MFHAS1: variants seen among roughly 807,000 people sequenced by gnomAD.
The protein encoded by MFHAS1 is malignant fibrous histiocytoma-amplified sequence 1.
A neutral mutation model predicts 70.4 loss-of-function variants in MFHAS1; 50 were observed. The observed-to-expected ratio is 0.71, with a 90% CI of 0.57 to 0.90. MFHAS1 has a LOEUF of 0.90. Among genes scored for constraint, MFHAS1 ranks in the 40% least tolerant of loss-of-function variants. The pLI is 0.00. For synonymous variants in MFHAS1, 952 were observed against 620.0 expected (o/e 1.54, Z -7.96); for missense variants, 1,795 against 1,347.6 (o/e 1.33, Z -5.20).
Position 8,890,607 on chromosome 8 carries a change from G to A in MFHAS1, c.2452C>T (p.Gln818Ter), listed in dbSNP as rs759291642. 3 of 1,613,920 alleles carry A rather than the reference G, an allele frequency of 1.9e-6. No individual in the cohort carries two copies. The highest frequency in any genetic ancestry group is 2.5e-6 in the Non-Finnish European group (3 of 1,180,034). The change falls in exon 1 of 3, where the codon CAG (glutamine) becomes TAG (stop). Residue 818 changes from glutamine to a stop codon, truncating the protein, a stop_gained. Transcript: ENST00000276282. LOFTEE classifies it high-confidence loss of function. ...TTCTCCAGCAGCTCCAGCAACAGCT[G>A]CAAGTCCTGCTGGGCCTGGACATGA... ...KPHVQAQQDL[Q>*]LLLELLEKMG...
intron 1 of MFHAS1, among the ~76,000 whole-genome samples, chr8:8,823,311 C>A: frequency 6.6e-6 from 1 of 152,220 alleles, no homozygotes. Flanking sequence ...ATGTTTCTCT[C>A]TGTATCCAGA....
At chr8:8,786,592 G>C (rs1805551327) in intron 2 of MFHAS1, among the ~76,000 whole-genome samples, 1 of 152,034 alleles carries the variant, frequency 6.6e-6, no homozygotes, top group African/African-American at 2.4e-5. Flanking sequence ...TGCAGCCTCA[G>C]CAAATAAAGC....
intron 1 of MFHAS1, among the ~76,000 whole-genome samples, chr8:8,870,487 A>G (rs1438268523): frequency 6.6e-6 from 1 of 152,148 alleles, no homozygotes; most frequent in Non-Finnish European, 1.5e-5. Context: ...AAAAAGGTTT[A>G]AAAAGAAAAC....
chr8:8,843,333 C>G (rs1426071410), intron 1 of MFHAS1, among the ~76,000 whole-genome samples: 1 of 151,846 alleles, frequency 6.6e-6, no homozygotes, highest in Non-Finnish European at 1.5e-5. Flanking sequence ...CCTGTAATCC[C>G]AACATTTCGG....
intron 1 of MFHAS1, among the ~76,000 whole-genome samples, chr8:8,831,838 C>T (rs1807400062): frequency 6.6e-6 from 1 of 152,044 alleles, no homozygotes; most frequent in Non-Finnish European, 1.5e-5. Context: ...AAACTCTTGA[C>T]CTCACGTGAT....
chr8:8,866,510 G>A (rs908964740), intron 1 of MFHAS1, among the ~76,000 whole-genome samples: 1 of 151,902 alleles, frequency 6.6e-6, no homozygotes, highest in Non-Finnish European at 1.5e-5. Context: ...TAGAAATGGG[G>A]TTTTGCCATG....
intron 1 of MFHAS1, among the ~76,000 whole-genome samples, chr8:8,838,551 G>T (rs530780440): frequency 7.2e-5 from 11 of 152,292 alleles, no homozygotes; most frequent in African/African-American, 2.6e-4. Context: ...GTTGGCTCAT[G>T]CCTGTAATCC....
intron 1 of MFHAS1, among the ~76,000 whole-genome samples, chr8:8,836,411 T>C (rs1807595631): frequency 6.6e-6 from 1 of 152,130 alleles, no homozygotes; most frequent in Admixed American, 6.5e-5. Flanking sequence ...CAGGGTCTTG[T>C]TCTGCTGCCC....
intron 1 of MFHAS1, among the ~76,000 whole-genome samples, chr8:8,877,630 A>C (rs1205495775): frequency 6.6e-6 from 1 of 152,192 alleles, no homozygotes; most frequent in East Asian, 1.9e-4. Flanking sequence ...GACCAGCAGC[A>C]CGCTTAGACA....
At chr8:8,791,399 C>T (rs1345237497) in intron 2 of MFHAS1, among the ~76,000 whole-genome samples, 1 of 152,148 alleles carries the variant, frequency 6.6e-6, no homozygotes, top group Non-Finnish European at 1.5e-5. Flanking sequence ...CATATGATGA[C>T]CTGTTGAATT....
At chr8:8,872,470 T>G (rs1734227199) in intron 1 of MFHAS1, among the ~76,000 whole-genome samples, 1 of 152,204 alleles carries the variant, frequency 6.6e-6, no homozygotes, top group African/African-American at 2.4e-5. Flanking sequence ...TATCACTTCC[T>G]GGAAACAGTC....
chr8:8,885,727 G>A (rs1037406767), intron 1 of MFHAS1, among the ~76,000 whole-genome samples: 3 of 152,164 alleles, frequency 2.0e-5, no homozygotes, highest in East Asian at 3.9e-4. Flanking sequence ...CTTTCTTTTC[G>A]GAGCCAGGGT....
At chr8:8,813,415 A>AT (rs200285820) in intron 1 of MFHAS1, among the ~76,000 whole-genome samples, 2,226 of 152,276 alleles carry the variant, frequency 0.015, 38 homozygotes, top group Middle Eastern at 0.075. Flanking sequence ...AGGAGAAGGC[A>AT]TTTTTATTAC....
chr8:8,804,901 G>C (rs979603841), intron 1 of MFHAS1, among the ~76,000 whole-genome samples: 12 of 152,220 alleles, frequency 7.9e-5, no homozygotes, highest in African/African-American at 2.9e-4. Context: ...CCTGGCAGAA[G>C]ACGATCGTCC....
At chr8:8,816,434 T>A (rs1168296708) in intron 1 of MFHAS1, among the ~76,000 whole-genome samples, 1 of 152,152 alleles carries the variant, frequency 6.6e-6, no homozygotes, top group Non-Finnish European at 1.5e-5. Context: ...GCTTGACAGA[T>A]TCTGAGCGGG....
In MFHAS1 at chr8:8,892,159, C is replaced by G. The variant is rs750355525; in HGVS notation, c.900G>C (p.Glu300Asp). 6.2e-7 allele frequency: 1 copy of G among 1,610,942 alleles called. No homozygotes were observed. Among genetic ancestry groups the G allele is most frequent in the African/African-American group, 1.3e-5 (1 of 74,918 alleles). ...AALLPLAGLE[E>D]LYLSRNQLTS... ...TGAGCTGGTTGCGACTAAGGTAGAG[C>G]TCCTCCAGACCAGCCAGGGGCAGCA... Residue 300 changes from glutamate (E) to aspartate (D), a missense_variant, in exon 1 of 3, where the codon GAG becomes GAC. Coordinates refer to ENST00000276282, the MANE Select transcript of MFHAS1 (RefSeq NM_004225.3). The surrounding 1 kb of genome is among the most constrained non-coding windows in gnomAD (Gnocchi z 4.7).
chr8:8,798,442 C>G (rs574693024), intron 1 of MFHAS1, among the ~76,000 whole-genome samples: 1 of 152,328 alleles, frequency 6.6e-6, no homozygotes, highest in East Asian at 1.9e-4. Flanking sequence ...CCTCCCACCT[C>G]AGACTCCCAA....
At chr8:8,804,166 A>G (rs1223275949) in intron 1 of MFHAS1, among the ~76,000 whole-genome samples, 1 of 152,164 alleles carries the variant, frequency 6.6e-6, no homozygotes, top group Admixed American at 6.5e-5. Flanking sequence ...ATAATTGAAT[A>G]TATCCTAAGG....
intron 2 of MFHAS1, chr8:8,790,338 G>C: frequency 8.2e-6 from 8 of 980,338 alleles, no homozygotes; most frequent in Non-Finnish European, 9.7e-6. Context: ...AAAAATTGGT[G>C]CTCCTAAAGT....
Sources: gnomAD v4.1 joint callset for allele counts (sites outside exome capture counted in the v4.1 genomes callset) on GRCh38, gnomAD v4.1.1 for gene constraint, Gnocchi (gnomAD v3.1) non-coding constraint, MANE v1.5 for transcripts, NCBI Gene and HGNC (gene_info 2026-07-23, HGNC 2026-07-21) for gene names.